The following MUC21 variants were observed in gnomAD, a reference collection of about 807,000 sequenced individuals.
The protein encoded by MUC21 is mucin-21.
In MUC21, 8 loss-of-function variants were observed where a neutral mutation model predicts 9.1. The observed-to-expected ratio is 0.88, with a 90% confidence interval of 0.52 to 1.59. The LOEUF (loss-of-function observed/expected upper bound fraction) is 1.59. MUC21 is among the 40% of genes most tolerant of loss of function. The pLI is 0.00. For synonymous variants in MUC21, 189 were observed against 275.2 expected (o/e 0.69, Z 3.10); for missense variants, 478 against 694.2 (o/e 0.69, Z 3.50).
chr6:30,987,332 G>C lies in MUC21; in HGVS notation c.1157G>C (p.Gly386Ala). Residue 386 changes from glycine to alanine, a missense_variant, in exon 2 of 3, where the codon GGG becomes GCG. Physicochemically the swap from Gly to Ala is moderately conservative, Grantham distance 60. Around this residue, in one of 5 missense-constraint regions of MUC21, gnomAD observed 155 missense variants for 235.2 expected, o/e 0.66. Transcript: ENST00000376296. ...TNSESSTVSS[G>A]ASTATTSESS... The stretch of plus-strand genomic sequence containing the variant: ...TCTGAGTCCAGCACAGTGTCCAGTG[G>C]GGCCAGCACAGCCACCACCTCTGAG... 1 of 1,572,698 alleles carries C rather than the reference G, an allele frequency of 6.4e-7. No individual in the cohort carries two copies. The highest frequency in any genetic ancestry group is 1.1e-5 in the South Asian group (1 of 89,666).
rs1186988952 is a variant in MUC21, at chr6:30,988,764, C to A, written c.*570C>A. On this transcript the variant is annotated 3_prime_UTR_variant, in exon 3 of 3. Transcript: ENST00000376296. Reference sequence around the variant, plus strand: ...AGAGCAGGATGAGGTGGAGGCGTTACAACTACCTGCTCTGTGTGTGGGGGG... The same window carrying A: ...AGAGCAGGATGAGGTGGAGGCGTTAAAACTACCTGCTCTGTGTGTGGGGGG... The A allele has an allele frequency of 7.9e-6, 1 of 126,632 alleles. No homozygotes were observed. The highest frequency in any genetic ancestry group is 1.6e-5 in the Non-Finnish European group (1 of 63,822). 7.8% of individuals were successfully genotyped at this position (126,632 alleles called of 1,614,324 possible). A position where few individuals can be genotyped will look rare whatever the true frequency, so the allele number is the denominator to read the frequency against.
Position 30,988,144 on chromosome 6 carries a change from C to T in MUC21, c.1651C>T (p.Pro551Ser). Reference sequence around the variant, plus strand: ...GAGTCCTAACTGGTTCTGGAGGAGACCAGTATCCTCGATAGCCATGGAGAT... The same window carrying T: ...GAGTCCTAACTGGTTCTGGAGGAGATCAGTATCCTCGATAGCCATGGAGAT... ...RWSPNWFWRR[P>S]VSSIAMEMSG... is the part of the protein sequence containing the mutation. Residue 551 changes from proline (P) to serine (S), a missense_variant, in exon 3 of 3, where the codon CCA (proline) becomes TCA (serine). Around this residue, in one of 5 missense-constraint regions of MUC21, gnomAD observed 158 missense variants for 192.6 expected, o/e 0.82. Transcript: ENST00000376296. 6.2e-7 allele frequency: 1 copy of T among 1,612,886 alleles called. No homozygotes were observed. Among genetic ancestry groups the T allele is most frequent in the Non-Finnish European group, 8.5e-7 (1 of 1,180,000 alleles).
In MUC21 at chr6:30,986,388, G is replaced by T. The variant is rs1416807986; in HGVS notation, c.213G>T (p.Gly71=). 2 of 1,612,326 alleles carry T rather than the reference G, an allele frequency of 1.2e-6. No individual in the cohort carries two copies. Among genetic ancestry groups the T allele is most frequent in the Non-Finnish European group, 8.5e-7 (1 of 1,179,242 alleles). ...TISGSSVTSN[G]VSIVTNSEFH... ...CAGGGTCCAGCGTGACCTCCAATGG[G>T]GTCAGCATAGTCACCAACTCTGAGT... Residue 71 remains glycine (G), a synonymous_variant, in exon 2 of 3, where the codon GGG becomes GGT. Transcript: ENST00000376296.
chr6:30,987,923 G>A, intron 2 of MUC21, 77 bp from the exon 3 acceptor site: 1 of 995,290 alleles, frequency 1.0e-6, no homozygotes, highest in Non-Finnish European at 1.6e-6. Flanking sequence ...AGTGGGAGAA[G>A]ATTCCAGAAG....
chr6:30,986,960 C>A lies in MUC21; in HGVS notation c.785C>A (p.Thr262Lys), dbSNP rs778634829. ...ACAGCCACCAACTCTGAGTCCAGCACGACCTCCAGTGGGGCCGGCACAGCC... is the reference window on the plus strand; with the variant it reads ...ACAGCCACCAACTCTGAGTCCAGCAAGACCTCCAGTGGGGCCGGCACAGCC... Reference protein sequence around the residue: ...AGTATNSESSTTSSGAGTATN... With the variant: ...AGTATNSESSKTSSGAGTATN... The change falls in exon 2 of 3, where the codon ACG becomes AAG. Residue 262 changes from threonine (T) to lysine (K), a missense_variant. Transcript: ENST00000376296. The A allele has an allele frequency of 1.9e-6, 3 of 1,564,238 alleles. No individual in the cohort carries two copies. The highest frequency in any genetic ancestry group is 2.6e-6 in the Non-Finnish European group (3 of 1,151,482).
rs748896265 is a variant in MUC21, at chr6:30,988,216, G to A, written c.*22G>A. ...CTGAGCAGCCCCGGAAGCAAGTGCC[G>A]CATTCTTCAGGAAGGAAGAGACCTG... is the stretch of plus-strand genomic sequence containing the variant. On this transcript the variant is annotated 3_prime_UTR_variant, in exon 3 of 3. Transcript: ENST00000376296. The A allele has an allele frequency of 6.9e-6, 11 of 1,596,406 alleles. No homozygotes were observed. The South Asian group carries it at 7.8e-5, about 11-fold the overall frequency.
At position 30,988,295 on chromosome 6, in the gene MUC21, T is replaced by C; in HGVS notation, c.*101T>C. On this transcript the variant is annotated 3_prime_UTR_variant, in exon 3 of 3. Coordinates refer to ENST00000376296, the MANE Select transcript of MUC21 (RefSeq NM_001010909.5). ...CATCCCAGGAGACCCCTCCCAGCTT[T>C]GTTTGAGATCCTGAAAATCTTGAAG... The C allele has an allele frequency of 8.9e-7, 1 of 1,126,526 alleles. No individual in the cohort carries two copies. Among genetic ancestry groups the C allele is most frequent in the Non-Finnish European group, 1.2e-6 (1 of 810,606 alleles). 69.8% of individuals were successfully genotyped at this position (1,126,526 alleles called of 1,614,324 possible).
At position 30,986,562 on chromosome 6, in the gene MUC21, C is replaced by T. The variant is rs1392646440; in HGVS notation, c.387C>T (p.Ser129=). The T allele has an allele frequency of 6.3e-7, 1 of 1,577,274 alleles. No homozygotes were observed. The highest frequency in any genetic ancestry group is 8.6e-7 in the Non-Finnish European group (1 of 1,158,976). Residue 129 remains serine, a synonymous_variant, in exon 2 of 3, where the codon TCC becomes TCT. Transcript: ENST00000376296. ...CCAACTCTGAGTCCAGCACACCCTC[C>T]AGTGGGGCCAGCACAGCCACCAACT... ...TATNSESSTP[S]SGASTATNSD...
In MUC21 at chr6:30,988,278, G is replaced by T. The variant is rs1328217759; in HGVS notation, c.*84G>T. On this transcript the variant is annotated 3_prime_UTR_variant, in exon 3 of 3. Coordinates refer to ENST00000376296, the MANE Select transcript of MUC21 (RefSeq NM_001010909.5). ...CCTGGTTTCCTTTCATTCATCCCAG[G>T]AGACCCCTCCCAGCTTTGTTTGAGA... The T allele has an allele frequency of 6.1e-6, 8 of 1,307,130 alleles. No individual in the cohort carries two copies. The highest frequency in any genetic ancestry group is 8.3e-6 in the Non-Finnish European group (8 of 965,438). 81.0% of individuals were successfully genotyped at this position (1,307,130 alleles called of 1,614,324 possible).
rs1325242306 is a variant in MUC21 at position 30,986,846 on chromosome 6, C to G, written c.671C>G (p.Thr224Arg). ...AGAACGACCTCCAATGGGGCTGGCA[C>G]AGCCACCAACTCTGAGTCCAGCACG... Reference protein sequence around the residue: ...ESRTTSNGAGTATNSESSTTS... With the variant: ...ESRTTSNGAGRATNSESSTTS... The change falls in exon 2 of 3, where the codon ACA (threonine) becomes AGA (arginine). Residue 224 changes from threonine to arginine, a missense_variant. By Grantham distance (71) the Thr-to-Arg change is moderately conservative. Coordinates refer to ENST00000376296, the MANE Select transcript of MUC21 (RefSeq NM_001010909.5). 5.7e-6 allele frequency: 9 copies of G among 1,592,222 alleles called. No homozygotes were observed. The highest frequency in any genetic ancestry group is 6.8e-6 in the Non-Finnish European group (8 of 1,168,704).
In MUC21 at chr6:30,987,278, C is replaced by A. The variant is rs775411386; in HGVS notation, c.1103C>A (p.Thr368Asn). 2 of 1,557,540 alleles carry A rather than the reference C, an allele frequency of 1.3e-6. No homozygotes were observed. Among genetic ancestry groups the A allele is most frequent in the South Asian group, 2.2e-5 (2 of 89,280 alleles). The stretch of plus-strand genomic sequence containing the variant: ...GCCACCAACTCTGGGTCCAGCACGA[C>A]CTCCAGTGGGACCAGCACAGCCACC... ...STATNSGSST[T>N]SSGTSTATNS... Residue 368 changes from threonine (T) to asparagine (N), a missense_variant, in exon 2 of 3, where the codon ACC (threonine) becomes AAC (asparagine). Coordinates refer to ENST00000376296, the MANE Select transcript of MUC21 (RefSeq NM_001010909.5).
intron 1 of MUC21, among the ~76,000 whole-genome samples, chr6:30,985,971 G>A (rs1762227508): frequency 6.6e-6 from 1 of 152,116 alleles, no homozygotes; most frequent in Non-Finnish European, 1.5e-5. Flanking sequence ...CTCCATGTTG[G>A]TCAGGCTGGT....
Position 30,988,250 on chromosome 6 carries a change from A to G in MUC21, c.*56A>G. The G allele has an allele frequency of 6.6e-7, 1 of 1,504,836 alleles. No homozygotes were observed. The highest frequency in any genetic ancestry group is 8.9e-7 in the Non-Finnish European group (1 of 1,121,288). The allele number at this position is 1,504,836 out of a possible 1,614,324, so 93.2% of individuals were successfully genotyped here. On this transcript the variant is annotated 3_prime_UTR_variant, in exon 3 of 3. Coordinates refer to ENST00000376296, the MANE Select transcript of MUC21 (RefSeq NM_001010909.5). Reference sequence around the variant, plus strand: ...AGGAAGGAAGAGACCTGGGCACCCAAGACCTGGTTTCCTTTCATTCATCCC... The same window carrying G: ...AGGAAGGAAGAGACCTGGGCACCCAGGACCTGGTTTCCTTTCATTCATCCC...
rs1168629737 is a variant in MUC21, at chr6:30,987,149, G to C, written c.974G>C (p.Ser325Thr). 1 of 1,594,408 alleles carries C rather than the reference G, an allele frequency of 6.3e-7. No individual in the cohort carries two copies. The highest frequency in any genetic ancestry group is 2.3e-5 in the East Asian group (1 of 43,910). Residue 325 changes from serine (S) to threonine (T), a missense_variant, in exon 2 of 3, where the codon AGT becomes ACT. Ser to Thr is a moderately conservative substitution (Grantham distance 58). Transcript: ENST00000376296. Reference protein sequence around the residue: ...ATNSDSSTTSSGASTATNSES... With the variant: ...ATNSDSSTTSTGASTATNSES... ...AACTCTGACTCCAGCACAACCTCCA[G>C]TGGGGCCAGCACAGCCACCAACTCT...
Position 30,988,124 on chromosome 6 carries a change from C to G in MUC21, c.1631C>G (p.Pro544Arg). ...HGAPHRPRWS[P>R]NWFWRRPVSS... ...GCCCCCCACAGGCCCAGGTGGAGTC[C>G]TAACTGGTTCTGGAGGAGACCAGTA... The change falls in exon 3 of 3, where the codon CCT becomes CGT. Residue 544 changes from proline (P) to arginine (R), a missense_variant. By Grantham distance (103) the Pro-to-Arg change is moderately radical. Around this residue, in one of 5 missense-constraint regions of MUC21, gnomAD observed 158 missense variants for 192.6 expected, o/e 0.82. Transcript: ENST00000376296. The G allele has an allele frequency of 6.2e-7, 1 of 1,612,982 alleles. No individual in the cohort carries two copies. The highest frequency in any genetic ancestry group is 8.5e-7 in the Non-Finnish European group (1 of 1,180,016).
In MUC21 at chr6:30,987,130, G is replaced by C. The variant is rs1408254413; in HGVS notation, c.955G>C (p.Asp319His). The C allele has an allele frequency of 6.4e-7, 1 of 1,574,642 alleles. No homozygotes were observed. ...SSGANTATNSDSSTTSSGAST... is the reference protein window; with the variant it reads ...SSGANTATNSHSSTTSSGAST... ...TGGGGCCAACACAGCCACCAACTCT[G>C]ACTCCAGCACAACCTCCAGTGGGGC... The change falls in exon 2 of 3, where the codon GAC becomes CAC. Residue 319 changes from aspartate to histidine, a missense_variant. Asp to His is a moderately conservative substitution (Grantham distance 81, BLOSUM62 -1). Coordinates refer to ENST00000376296, the MANE Select transcript of MUC21 (RefSeq NM_001010909.5).
chr6:30,984,399 G>A lies in MUC21; in HGVS notation c.61+380G>A, dbSNP rs185505449. On this transcript the variant is annotated intron_variant, in intron 1 of 2. Coordinates refer to ENST00000376296, the MANE Select transcript of MUC21 (RefSeq NM_001010909.5). ...AAATGTCACTCTTCTGGCGGGGTGC[G>A]GTGGCTCATGCCTTTAATCCCAGCA... 3.4e-3 allele frequency among the ~76,000 whole-genome samples: 517 copies of A among 151,684 alleles called. 3 individuals carry two copies. Among genetic ancestry groups the A allele is most frequent in the African/African-American group, 0.012 (480 of 41,380 alleles).
rs769129525 is a variant in MUC21, at chr6:30,987,050, C to T, written c.875C>T (p.Thr292Ile). Residue 292 changes from threonine to isoleucine, a missense_variant, in exon 2 of 3, where the codon ACA (threonine) becomes ATA (isoleucine). By Grantham distance (89) the Thr-to-Ile change is moderately conservative. Transcript: ENST00000376296. ...ISTVTNSESS[T>I]PSSGANTATN... ...ACAGTCACCAATTCTGAGTCCAGCA[C>T]ACCCTCCAGTGGGGCCAACACAGCC... 16 of 1,606,438 alleles carry T rather than the reference C, an allele frequency of 1.0e-5. No individual in the cohort carries two copies. Among genetic ancestry groups the T allele is most frequent in the African/African-American group, 1.4e-5 (1 of 74,062 alleles).
At position 30,987,006 on chromosome 6, in the gene MUC21, A is replaced by G. The variant is rs879584676; in HGVS notation, c.831A>G (p.Thr277=). 1 of 1,597,050 alleles carries G rather than the reference A, an allele frequency of 6.3e-7. No individual in the cohort carries two copies. The highest frequency in any genetic ancestry group is 8.5e-7 in the Non-Finnish European group (1 of 1,171,938). Residue 277 remains threonine, a synonymous_variant, in exon 2 of 3, where the codon ACA becomes ACG. Transcript: ENST00000376296. ...CAGCCACCAACTCTGAGTCCAGCAC[A>G]GTGTCCAGTGGGATCAGCACAGTCA... ...AGTATNSESS[T]VSSGISTVTN...
Sources: allele counts gnomAD v4.1 joint callset (sites outside exome capture counted in the v4.1 genomes callset), GRCh38; gene constraint gnomAD v4.1.1; regional missense constraint gnomAD v4.1.1; transcripts MANE v1.5; gene names NCBI Gene and HGNC (gene_info 2026-07-23, HGNC 2026-07-21).